PDLIM5: variants seen among roughly 807,000 people sequenced by gnomAD.
The protein encoded by PDLIM5 is PDZ and LIM domain protein 5.
A neutral mutation model predicts 64.2 loss-of-function variants in PDLIM5; 34 were observed. The observed-to-expected ratio is 0.53, with a 90% CI of 0.40 to 0.71. The LOEUF (loss-of-function observed/expected upper bound fraction) is 0.71. Ranked by LOEUF, PDLIM5 falls within the 30% of genes least tolerant of loss-of-function variation. PDLIM5 has a pLI of 0.00. For synonymous variants in PDLIM5, 253 were observed against 269.1 expected (o/e 0.94, Z 0.59); for missense variants, 683 against 733.6 (o/e 0.93, Z 0.80).
chr4:94,551,577 A>G (rs527718771), intron 3 of PDLIM5, among the ~76,000 whole-genome samples: 2 of 152,136 alleles, frequency 1.3e-5, no homozygotes, highest in Non-Finnish European at 2.9e-5. Flanking sequence ...GCAACCCTGT[A>G]TTGCTTATTC....
chr4:94,646,269 T>A (rs2036759), intron 9 of PDLIM5, among the ~76,000 whole-genome samples: 81 of 152,258 alleles, frequency 5.3e-4, no homozygotes, highest in African/African-American at 1.9e-3. Context: ...AGAGGTAAAA[T>A]GAGGTCAGTA....
intron 2 of PDLIM5, chr4:94,455,683 A>G (rs897438568): frequency 2.8e-6 from 3 of 1,055,558 alleles, no homozygotes; most frequent in African/African-American, 3.2e-5. Context: ...AATTCTCTGA[A>G]TCTTCGTTCT....
chr4:94,536,629 C>A (rs1731342375), intron 3 of PDLIM5, among the ~76,000 whole-genome samples: 1 of 152,050 alleles, frequency 6.6e-6, no homozygotes, highest in South Asian at 2.1e-4. Flanking sequence ...TAGAGTATGC[C>A]ACTTTTATAA....
chr4:94,509,846 G>A (rs2639794), intron 2 of PDLIM5, among the ~76,000 whole-genome samples: 62,235 of 150,516 alleles, frequency 0.41, 14,946 homozygotes, highest in South Asian at 0.7. Flanking sequence ...TGATTAGATG[G>A]TGCCCACCTA....
intron 5 of PDLIM5, among the ~76,000 whole-genome samples, chr4:94,578,296 G>C (rs896005997): frequency 3.3e-5 from 5 of 152,014 alleles, no homozygotes; most frequent in African/African-American, 1.2e-4. Flanking sequence ...ACTGAAACTA[G>C]GCAGTATTAT....
At chr4:94,651,700 T>A (rs1255573897) in intron 9 of PDLIM5, among the ~76,000 whole-genome samples, 1 of 152,122 alleles carries the variant, frequency 6.6e-6, no homozygotes, top group Non-Finnish European at 1.5e-5. Flanking sequence ...TACAATAAGA[T>A]AAAAATAAGA....
intron 2 of PDLIM5, among the ~76,000 whole-genome samples, chr4:94,519,592 A>G (rs1271831299): frequency 6.6e-6 from 1 of 152,184 alleles, no homozygotes; most frequent in Non-Finnish European, 1.5e-5. Flanking sequence ...CTGTTTTCCC[A>G]TCTGTAAAAC....
chr4:94,615,672 A>T (rs1738727219), intron 7 of PDLIM5, among the ~76,000 whole-genome samples: 1 of 152,226 alleles, frequency 6.6e-6, no homozygotes, highest in African/African-American at 2.4e-5. Flanking sequence ...TCCACAGGCT[A>T]AATGGCTAAA....
chr4:94,508,914 T>C (rs1407126948), intron 2 of PDLIM5, among the ~76,000 whole-genome samples: 1 of 152,204 alleles, frequency 6.6e-6, no homozygotes, highest in Non-Finnish European at 1.5e-5. Context: ...TGCCATTCCT[T>C]GGAAATGGTA....
At chr4:94,540,896 A>T (rs1364681267) in intron 3 of PDLIM5, among the ~76,000 whole-genome samples, 2 of 152,228 alleles carry the variant, frequency 1.3e-5, no homozygotes, top group African/African-American at 4.8e-5. Context: ...AAAGAAAAAG[A>T]TACAGAGTAC....
At chr4:94,577,336 T>G (rs541729160) in intron 5 of PDLIM5, 5 of 456,452 alleles carry the variant, frequency 1.1e-5, no homozygotes, top group South Asian at 7.7e-5. Flanking sequence ...CCATGGCAAC[T>G]TTGGGGCTTT....
intron 2 of PDLIM5, among the ~76,000 whole-genome samples, chr4:94,521,248 C>A (rs1351451521): frequency 1.3e-5 from 2 of 151,902 alleles, no homozygotes; most frequent in African/African-American, 4.8e-5. Flanking sequence ...GGTAATGGGG[C>A]CACCATTCGG....
intron 3 of PDLIM5, among the ~76,000 whole-genome samples, chr4:94,560,689 T>G (rs1047557405): frequency 3.3e-5 from 5 of 152,200 alleles, no homozygotes; most frequent in African/African-American, 1.2e-4. Flanking sequence ...GAGGCTGTGT[T>G]ATACTTATCA....
In PDLIM5 at chr4:94,603,783, G is replaced by A. The variant is rs375073526; in HGVS notation, c.921-14221G>A. Among the ~76,000 whole-genome samples, 114 of 152,208 alleles carry A rather than the reference G, an allele frequency of 7.5e-4. No homozygotes were observed. In the South Asian group the frequency reaches 0.023, roughly 31 times the overall value. On this transcript the variant is annotated intron_variant, in intron 7 of 12. Transcript: ENST00000317968. ...GCGTTCTCAGGGACCCCTGCTTCTCGGCTAGGCACCATGGCCTTAGCTAAC... is the reference window on the plus strand; with the variant it reads ...GCGTTCTCAGGGACCCCTGCTTCTCAGCTAGGCACCATGGCCTTAGCTAAC...
At chr4:94,567,558 AAT>A (rs1370680503) in intron 3 of PDLIM5, among the ~76,000 whole-genome samples, 6 of 152,246 alleles carry the variant, frequency 3.9e-5, no homozygotes, top group African/African-American at 1.4e-4. Context: ...ACTGTTAAAA[AAT>A]ATAGAGTTTT....
At chr4:94,589,756 C>CTTTT (rs869161860) in intron 7 of PDLIM5, among the ~76,000 whole-genome samples, 1 of 146,612 alleles carries the variant, frequency 6.8e-6, no homozygotes, top group African/African-American at 2.5e-5. Flanking sequence ...CTTTTCTTTT[C>CTTTT]TTTCCTTTTC....
chr4:94,500,261 A>C (rs2110080898), intron 2 of PDLIM5, among the ~76,000 whole-genome samples: 1 of 152,322 alleles, frequency 6.6e-6, no homozygotes, highest in East Asian at 1.9e-4. Context: ...TTTCTGATTA[A>C]GTTTCTGCAC....
intron 2 of PDLIM5, among the ~76,000 whole-genome samples, chr4:94,488,116 C>T (rs1726518757): frequency 6.6e-6 from 1 of 152,182 alleles, no homozygotes; most frequent in African/African-American, 2.4e-5. Context: ...TCTTTCACTA[C>T]AGGCATTTGT....
At chr4:94,597,598 C>G (rs974988795) in intron 7 of PDLIM5, among the ~76,000 whole-genome samples, 4 of 150,190 alleles carry the variant, frequency 2.7e-5, no homozygotes, top group African/African-American at 9.8e-5. Context: ...TTGAAGCCCC[C>G]CATACAGAAA....
Sources: allele counts gnomAD v4.1 joint callset (sites outside exome capture counted in the v4.1 genomes callset), GRCh38; gene constraint gnomAD v4.1.1; transcripts MANE v1.5; gene names NCBI Gene and HGNC (gene_info 2026-07-23, HGNC 2026-07-21).